The following USP8 variants were observed in gnomAD, a reference collection of about 807,000 sequenced individuals.
USP8 encodes ubiquitin carboxyl-terminal hydrolase 8.
Under a neutral mutation model 130.0 loss-of-function variants are expected in USP8, and 27 were observed. That is an observed-to-expected ratio of 0.21 (90% CI 0.15 to 0.29). The LOEUF is 0.29. USP8 is among the 10% of genes least tolerant of loss of function. The probability of loss-of-function intolerance (pLI) is 1.00; values close to 1 mark genes in which losing one functional copy is unlikely to be tolerated. For missense variants in USP8, 1,029 were observed against 1,312.2 expected, an observed-to-expected ratio of 0.78 and a Z score of 3.33; for synonymous variants, 392 against 444.1, an observed-to-expected ratio of 0.88 and a Z score of 1.48.
At chr15:50,487,844 T>C (rs1263808499) in intron 12 of USP8, among the ~76,000 whole-genome samples, 1 of 152,234 alleles carries the variant, frequency 6.6e-6, no homozygotes, top group Non-Finnish European at 1.5e-5. Flanking sequence ...CTGTGCTAAA[T>C]GCTTGAGGGC....
intron 14 of USP8, 74 bp from the exon 15 acceptor site, chr15:50,492,627 G>A: frequency 6.7e-7 from 1 of 1,484,988 alleles, no homozygotes; most frequent in Non-Finnish European, 9.1e-7. Flanking sequence ...ACAGTTTGCT[G>A]CCATTTATAG....
intron 4 of USP8, 146 bp from the exon 5 acceptor site, chr15:50,458,854 G>A (rs1370088139): frequency 7.0e-6 from 6 of 860,052 alleles, no homozygotes; most frequent in African/African-American, 1.7e-5. Flanking sequence ...GGCCTCAGGT[G>A]GCAGATGTGT....
chr15:50,445,220 T>A (rs906395123), intron 3 of USP8, among the ~76,000 whole-genome samples: 1 of 152,010 alleles, frequency 6.6e-6, no homozygotes, highest in Admixed American at 6.6e-5. Flanking sequence ...CTTAGAAACT[T>A]GTATTTTCAC....
intron 8 of USP8, among the ~76,000 whole-genome samples, chr15:50,472,269 A>G (rs921917127): frequency 3.9e-5 from 6 of 151,966 alleles, no homozygotes; most frequent in African/African-American, 1.4e-4. Context: ...TGGGTGTGGT[A>G]AAATTAAAAC....
Position 50,498,951 on chromosome 15 carries a change from A to C in USP8, c.3220A>C (p.Asn1074His). The change falls in exon 20 of 20, where the codon AAT becomes CAT. Residue 1074 changes from asparagine to histidine, a missense_variant. This residue lies in a region of USP8 where 257 missense variants were observed against 429.8 expected (regional missense o/e 0.60). Transcript: ENST00000307179. ...AGGCCACTACACAGCCTATTGTAAA[A>C]ATGCAGCAAGACAACGGTGGTTTAA... The part of the protein sequence containing the change: ...DGGHYTAYCK[N>H]AARQRWFKFD... 1 of 1,613,980 alleles carries C rather than the reference A, an allele frequency of 6.2e-7. No homozygotes were observed. The highest frequency in any genetic ancestry group is 8.5e-7 in the Non-Finnish European group (1 of 1,179,884).
chr15:50,476,128 G>A (rs1005472061), intron 8 of USP8, among the ~76,000 whole-genome samples: 3 of 152,078 alleles, frequency 2.0e-5, no homozygotes, highest in African/African-American at 7.2e-5. Context: ...TCAGTTTTGG[G>A]GTCTGTGTAT....
intron 15 of USP8, chr15:50,493,802 G>A: frequency 1.7e-6 from 1 of 590,706 alleles, no homozygotes; most frequent in East Asian, 3.5e-5. Flanking sequence ...TGAGAGCAGT[G>A]CCAGAAGGCA....
intron 16 of USP8, among the ~76,000 whole-genome samples, 179 bp from the exon 17 acceptor site, chr15:50,495,669 A>AG (rs1300221198): frequency 6.6e-6 from 1 of 152,080 alleles, no homozygotes; most frequent in Non-Finnish European, 1.5e-5. Flanking sequence ...AAAGTGAGTG[A>AG]GTTTTTTTTG....
At chr15:50,471,559 A>G in intron 7 of USP8, 74 bp from the exon 8 acceptor site, 1 of 1,526,074 alleles carries the variant, frequency 6.6e-7, no homozygotes, top group Non-Finnish European at 8.8e-7. Flanking sequence ...GTGGAACAAA[A>G]CTGAGTGTCT....
At chr15:50,431,677 A>T (rs1008416312) in intron 1 of USP8, among the ~76,000 whole-genome samples, 2 of 152,026 alleles carry the variant, frequency 1.3e-5, no homozygotes, top group African/African-American at 4.8e-5. Context: ...TTTTTCCGAG[A>T]TGGAGTTTCA....
chr15:50,430,046 AGCC>A (rs2049881128), intron 1 of USP8, among the ~76,000 whole-genome samples: 1 of 152,254 alleles, frequency 6.6e-6, no homozygotes, highest in Non-Finnish European at 1.5e-5. Context: ...CACAGCATTA[AGCC>A]ACACTTTACT....
At position 50,499,016 on chromosome 15, in the gene USP8, T is replaced by A. The variant is rs780803385; in HGVS notation, c.3285T>A (p.Ser1095=). 3 of 1,613,874 alleles carry A rather than the reference T, an allele frequency of 1.9e-6. No homozygotes were observed. Among genetic ancestry groups the A allele is most frequent in the African/African-American group, 1.3e-5 (1 of 74,940 alleles). Residue 1095 remains serine, a synonymous_variant, in exon 20 of 20, where the codon TCT becomes TCA. Coordinates refer to ENST00000307179, the MANE Select transcript of USP8 (RefSeq NM_005154.5). ...AAGTTTCTGATATCTCCGTTTCTTCTGTGAAATCTTCAGCAGCTTATATCC... is the reference window on the plus strand; with the variant it reads ...AAGTTTCTGATATCTCCGTTTCTTCAGTGAAATCTTCAGCAGCTTATATCC... ...DHEVSDISVS[S]VKSSAAYILF...
rs1258593064 is a variant in USP8 at position 50,505,293 on chromosome 15, AAG to A, written c.*6210_*6211del. 1.2e-4 allele frequency: 18 copies of A among 152,302 alleles called. No homozygotes were observed. In the East Asian group the frequency reaches 1.4e-3, roughly 11 times the overall value. The allele number at this position is 152,302 out of a possible 1,614,324, so 9.4% of individuals were successfully genotyped here. ...AAGCTTAAAAGCAACCAGAAAGAAA[AAG>A]AGAGTTTACCCACAAGAATCTAACC... On this transcript the variant is annotated 3_prime_UTR_variant, in exon 20 of 20. Coordinates refer to ENST00000307179, the MANE Select transcript of USP8 (RefSeq NM_005154.5).
chr15:50,445,619 A>G (rs1229666634), intron 3 of USP8, among the ~76,000 whole-genome samples: 1 of 139,898 alleles, frequency 7.1e-6, no homozygotes, highest in Non-Finnish European at 1.5e-5. Flanking sequence ...TGGGAGGCAG[A>G]GGCAGGTGGA....
At chr15:50,429,689 G>C (rs2049868098) in intron 1 of USP8, among the ~76,000 whole-genome samples, 1 of 152,090 alleles carries the variant, frequency 6.6e-6, no homozygotes, top group Non-Finnish European at 1.5e-5. Context: ...ATATAAATAA[G>C]AAAATAAATA....
chr15:50,467,114 T>A, intron 7 of USP8: 1 of 418,914 alleles, frequency 2.4e-6, no homozygotes. Flanking sequence ...ACTATTTTAA[T>A]AAATTGATTA....
intron 4 of USP8, among the ~76,000 whole-genome samples, chr15:50,449,779 C>T (rs950613565): frequency 1.3e-5 from 2 of 151,530 alleles, no homozygotes; most frequent in East Asian, 3.9e-4. Context: ...GACAGGGTTT[C>T]ACCATGTTAG....
At chr15:50,469,120 G>A (rs2051293232) in intron 7 of USP8, among the ~76,000 whole-genome samples, 1 of 152,116 alleles carries the variant, frequency 6.6e-6, no homozygotes, top group African/African-American at 2.4e-5. Context: ...GTTGTAGTTT[G>A]TTCATTCTCA....
In USP8 at chr15:50,500,861, C is replaced by T. The variant is rs764788084; in HGVS notation, c.*1773C>T. On this transcript the variant is annotated 3_prime_UTR_variant, in exon 20 of 20. Coordinates refer to ENST00000307179, the MANE Select transcript of USP8 (RefSeq NM_005154.5). Reference sequence around the variant, plus strand: ...TTCTATGGGAGAAAGGAATGTCAAACTTAGTATTCACATATGAACACTAAC... The same window carrying T: ...TTCTATGGGAGAAAGGAATGTCAAATTTAGTATTCACATATGAACACTAAC... 1.9e-6 allele frequency: 3 copies of T among 1,557,266 alleles called. No homozygotes were observed. The South Asian group carries it at 3.5e-5, about 18-fold the overall frequency.
Sources: gnomAD v4.1 joint callset for allele counts (sites outside exome capture counted in the v4.1 genomes callset) on GRCh38, gnomAD v4.1.1 for gene constraint, gnomAD v4.1.1 regional missense constraint, MANE v1.5 for transcripts, NCBI Gene and HGNC (gene_info 2026-07-23, HGNC 2026-07-21) for gene names.